PLK3: variants seen among roughly 807,000 people sequenced by gnomAD.
The protein encoded by PLK3 is serine/threonine-protein kinase PLK3.
Under a neutral mutation model 71.6 loss-of-function variants are expected in PLK3, and 41 were observed. The ratio of observed to expected loss-of-function variants is 0.57; its 90% CI spans 0.45 to 0.74. The LOEUF is 0.74. Ranked by LOEUF, PLK3 falls within the 30% of genes least tolerant of loss-of-function variation. The pLI, the probability that PLK3 is intolerant of heterozygous loss-of-function variation, is 0.00. For synonymous variants in PLK3, 366 were observed against 355.4 expected, an observed-to-expected ratio of 1.03 and a Z score of -0.33; for missense variants, 791 against 875.6, an observed-to-expected ratio of 0.90 and a Z score of 1.22.
In PLK3 at chr1:44,805,378, A is replaced by C. The variant is rs1484256317; in HGVS notation, c.1748A>C (p.Gln583Pro). Residue 583 changes from glutamine (Q) to proline (P), a missense_variant and splice_region_variant, in exon 14 of 15, where the codon CAG becomes CCG. Gln to Pro is a moderately conservative substitution (Grantham distance 76). Transcript: ENST00000372201. The part of the protein sequence containing the change: ...LLMLFSDGTV[Q>P]VNFYGDHTKL... Reference sequence around the variant, plus strand: ...ATGCTGTTTAGTGATGGCACTGTCCAGGTAAGAGCCTATCCAGGAGTTGCG... The same window carrying C: ...ATGCTGTTTAGTGATGGCACTGTCCCGGTAAGAGCCTATCCAGGAGTTGCG... 6.2e-7 allele frequency: 1 copy of C among 1,612,500 alleles called. No individual in the cohort carries two copies. The highest frequency in any genetic ancestry group is 8.5e-7 in the Non-Finnish European group (1 of 1,178,490).
Position 44,805,927 on chromosome 1 carries a change from CTTAT to C in PLK3, c.*255_*258del, listed in dbSNP as rs1652025122. The C allele has an allele frequency of 6.7e-7, 1 of 1,486,668 alleles. No individual in the cohort carries two copies. The highest frequency in any genetic ancestry group is 1.4e-5 in the African/African-American group (1 of 70,548). The allele number at this position is 1,486,668 out of a possible 1,614,324, so 92.1% of individuals were successfully genotyped here. A position where few individuals can be genotyped will look rare whatever the true frequency, so the allele number is the denominator to read the frequency against. The stretch of plus-strand genomic sequence containing the variant: ...GACCACTTTTATTTATTGTCAGACA[CTTAT>C]TTATTGGGATGTGAGCCCCAGGGGG... On this transcript the variant is annotated 3_prime_UTR_variant, in exon 15 of 15. Coordinates refer to ENST00000372201, the MANE Select transcript of PLK3 (RefSeq NM_004073.4).
intron 6 of PLK3, 43 bp downstream of exon 6, chr1:44,802,898 T>C: frequency 6.2e-7 from 1 of 1,605,930 alleles, no homozygotes; most frequent in Non-Finnish European, 8.5e-7. Context: ...AGGTGGTGGG[T>C]GTGTGGGTGG....
At chr1:44,801,197 GAC>G (rs1651817943) in intron 3 of PLK3, 45 bp downstream of exon 3, 1 of 650,418 alleles carries the variant, frequency 1.5e-6, no homozygotes, top group Non-Finnish European at 2.7e-6. Context: ...AGGGAGAGAA[GAC>G]AGTCTTTTTT....
intron 3 of PLK3, 121 bp from the exon 4 acceptor site, chr1:44,801,501 C>T: frequency 9.1e-7 from 1 of 1,099,370 alleles, no homozygotes; most frequent in South Asian, 1.5e-5. Flanking sequence ...AGCCACTACA[C>T]CCAGCCGAGA....
At chr1:44,801,807 A>T in intron 4 of PLK3, 38 bp from the exon 5 acceptor site, 1 of 1,605,080 alleles carries the variant, frequency 6.2e-7, no homozygotes. Context: ...GGGAGGGAGG[A>T]AGGAAAGAAT....
chr1:44,805,594 C>A lies in PLK3; in HGVS notation c.1857C>A (p.His619Gln), dbSNP rs1652003511. ...GTGCTTGTACTTACCTCGCTTCCCA[C>A]CTTCGGCAGCTGGGCTGCTCTCCAG... ...NRSACTYLAS[H>Q]LRQLGCSPDL... Residue 619 changes from histidine to glutamine, a missense_variant, in exon 15 of 15, where the codon CAC becomes CAA. Coordinates refer to ENST00000372201, the MANE Select transcript of PLK3 (RefSeq NM_004073.4). The A allele has an allele frequency of 1.9e-6, 3 of 1,614,082 alleles. No individual in the cohort carries two copies. The highest frequency in any genetic ancestry group is 2.2e-5 in the East Asian group (1 of 44,898).
At position 44,805,252 on chromosome 1, in the gene PLK3, G is replaced by T; in HGVS notation, c.1636-14G>T. On this transcript the variant is annotated splice_polypyrimidine_tract_variant and intron_variant, in intron 13 of 14. Coordinates refer to ENST00000372201, the MANE Select transcript of PLK3 (RefSeq NM_004073.4). ...TCACGCTGGATCAGTGACCTGCCCT[G>T]ATCCTGCTCCCAGGGTGGAGATCTG... 6.3e-7 allele frequency: 1 copy of T among 1,587,474 alleles called. No individual in the cohort carries two copies.
In PLK3 at chr1:44,804,451, G is replaced by C; in HGVS notation, c.1455G>C (p.Val485=). 1 of 1,614,196 alleles carries C rather than the reference G, an allele frequency of 6.2e-7. No individual in the cohort carries two copies. Among genetic ancestry groups the C allele is most frequent in the African/African-American group, 1.3e-5 (1 of 75,056 alleles). The part of the protein sequence containing the change: ...GFGYQLSSRR[V]AVLFNDGTHM... ...GGTATCAACTGTCCAGCCGCCGTGT[G>C]GCTGTGCTCTTCAACGATGGCACAC... The change falls in exon 12 of 15, where the codon GTG becomes GTC. Residue 485 remains valine (V), a synonymous_variant. Coordinates refer to ENST00000372201, the MANE Select transcript of PLK3 (RefSeq NM_004073.4).
Position 44,802,995 on chromosome 1 carries a change from G to A in PLK3, c.790G>A (p.Asp264Asn), listed in dbSNP as rs778121410. The A allele has an allele frequency of 2.4e-5, 39 of 1,613,904 alleles. No individual in the cohort carries two copies. In the East Asian group the frequency reaches 8.7e-4, roughly 36 times the overall value. ...CGGGAGCCCTCCCTTTGAGACGGCT[G>A]ACCTGAAGGAGACGTACCGCTGCAT... ...LCGSPPFETADLKETYRCIKQ... is the reference protein window; with the variant it reads ...LCGSPPFETANLKETYRCIKQ... Residue 264 changes from aspartate (D) to asparagine (N), a missense_variant, in exon 7 of 15, where the codon GAC becomes AAC. Transcript: ENST00000372201.
chr1:44,801,826 C>A lies in PLK3; in HGVS notation c.566-19C>A. ...GGGAGGAAGGAAAGAATCTGACACA[C>A]CTCTCTTGCCCCATCTAGGAAATTT... is the stretch of plus-strand genomic sequence containing the variant. On this transcript the variant is annotated intron_variant, in intron 4 of 14. Coordinates refer to ENST00000372201, the MANE Select transcript of PLK3 (RefSeq NM_004073.4). 1 of 1,611,362 alleles carries A rather than the reference C, an allele frequency of 6.2e-7. No homozygotes were observed. The highest frequency in any genetic ancestry group is 8.5e-7 in the Non-Finnish European group (1 of 1,178,118).
Position 44,801,657 on chromosome 1 carries a change from G to A in PLK3, c.471G>A (p.Leu157=). The change falls in exon 4 of 15, where the codon CTG becomes CTA. Residue 157 remains leucine (L), a synonymous_variant. Coordinates refer to ENST00000372201, the MANE Select transcript of PLK3 (RefSeq NM_004073.4). ...ACATCTGGAAGGCCCGGCACACCCT[G>A]TTGGAGCCAGAAGTGCGCTACTACC... ...LAHIWKARHT[L]LEPEVRYYLR... 3.7e-6 allele frequency: 6 copies of A among 1,613,874 alleles called. No homozygotes were observed. Among genetic ancestry groups the A allele is most frequent in the Non-Finnish European group, 5.1e-6 (6 of 1,179,970 alleles).
rs912176020 is a variant in PLK3 at position 44,803,825 on chromosome 1, G to C, written c.1165-106G>C. ...ATTGGCTGTGTGTCACCAGCCTGGC[G>C]GGGCTGACCTGGGGTGCCCTGGGAG... On this transcript the variant is annotated intron_variant, in intron 9 of 14. Coordinates refer to ENST00000372201, the MANE Select transcript of PLK3 (RefSeq NM_004073.4). The surrounding 1 kb of genome is among the most constrained non-coding windows in gnomAD (Gnocchi z 4.3). 5 of 1,129,498 alleles carry C rather than the reference G, an allele frequency of 4.4e-6. No individual in the cohort carries two copies. Among genetic ancestry groups the C allele is most frequent in the Non-Finnish European group, 6.5e-6 (5 of 767,552 alleles). The allele number at this position is 1,129,498 out of a possible 1,614,324, so 70.0% of individuals were successfully genotyped here. A position where few individuals can be genotyped will look rare whatever the true frequency, so the allele number is the denominator to read the frequency against.
chr1:44,800,872 C>A lies in PLK3; in HGVS notation c.243C>A (p.Asp81Glu). The A allele has an allele frequency of 1.9e-6, 3 of 1,611,766 alleles. No homozygotes were observed. Among genetic ancestry groups the A allele is most frequent in the Non-Finnish European group, 2.5e-6 (3 of 1,179,820 alleles). Residue 81 changes from aspartate to glutamate, a missense_variant, in exon 2 of 15, where the codon GAC becomes GAA. By Grantham distance (45) the Asp-to-Glu change is conservative. Coordinates refer to ENST00000372201, the MANE Select transcript of PLK3 (RefSeq NM_004073.4). This position sits in a 1 kb window ranked among gnomAD's most constrained non-coding sequence, Gnocchi z 6.5. The part of the protein sequence containing the change: ...GGFARCYEAT[D>E]TETGSAYAVK... ...TCGCCCGCTGCTACGAGGCCACTGA[C>A]ACAGAGACTGGCAGCGCCTACGCTG...
At chr1:44,802,026 G>A (rs3795716) in intron 5 of PLK3, 94 bp downstream of exon 5, 1 of 897,700 alleles carries the variant, frequency 1.1e-6, no homozygotes, top group African/African-American at 1.7e-5. Flanking sequence ...ACTGCCTGAT[G>A]TGTGCATGAG....
Position 44,801,691 on chromosome 1 carries a change from A to T in PLK3, c.505A>T (p.Ile169Phe). The T allele has an allele frequency of 6.2e-7, 1 of 1,610,314 alleles. No individual in the cohort carries two copies. The highest frequency in any genetic ancestry group is 8.5e-7 in the Non-Finnish European group (1 of 1,179,448). The change falls in exon 4 of 15, where the codon ATC becomes TTC. Residue 169 changes from isoleucine (I) to phenylalanine (F), a missense_variant. Physicochemically the swap from Ile to Phe is conservative, Grantham distance 21. Coordinates refer to ENST00000372201, the MANE Select transcript of PLK3 (RefSeq NM_004073.4). Reference protein sequence around the residue: ...EPEVRYYLRQILSGLKYLHQR... With the variant: ...EPEVRYYLRQFLSGLKYLHQR... ...AGAAGTGCGCTACTACCTGCGGCAG[A>T]TCCTTTCTGGCCTCAAGTACTTGCA...
At chr1:44,805,422 A>C (rs1297390072) in intron 14 of PLK3, 43 bp downstream of exon 14, 1 of 1,607,730 alleles carries the variant, frequency 6.2e-7, no homozygotes, top group Non-Finnish European at 8.5e-7. Flanking sequence ...TGGGAGGCCC[A>C]GGGTGCTGGG....
chr1:44,801,029 A>G lies in PLK3; in HGVS notation c.319-7A>G, dbSNP rs776544572. The G allele has an allele frequency of 3.7e-6, 6 of 1,612,010 alleles. No homozygotes were observed. In the South Asian group the frequency reaches 6.6e-5, roughly 18 times the overall value. ...GGAAGGATGACGACTCCGCGCCCTCATCGCAGATCCTAAATGAGATTGAGC... is the reference window on the plus strand; with the variant it reads ...GGAAGGATGACGACTCCGCGCCCTCGTCGCAGATCCTAAATGAGATTGAGC... On this transcript the variant is annotated splice_polypyrimidine_tract_variant and splice_region_variant and intron_variant, in intron 2 of 14. Transcript: ENST00000372201.
chr1:44,801,643 G>T lies in PLK3; in HGVS notation c.457G>T (p.Ala153Ser). Residue 153 changes from alanine (A) to serine (S), a missense_variant, in exon 4 of 15, where the codon GCC becomes TCC. By Grantham distance (99) the Ala-to-Ser change is moderately conservative. Coordinates refer to ENST00000372201, the MANE Select transcript of PLK3 (RefSeq NM_004073.4). ...GCAGTCCCTGGCCCACATCTGGAAG[G>T]CCCGGCACACCCTGTTGGAGCCAGA... Reference protein sequence around the residue: ...SRKSLAHIWKARHTLLEPEVR... With the variant: ...SRKSLAHIWKSRHTLLEPEVR... The T allele has an allele frequency of 6.2e-7, 1 of 1,613,668 alleles. No homozygotes were observed. The highest frequency in any genetic ancestry group is 8.5e-7 in the Non-Finnish European group (1 of 1,179,886).
chr1:44,801,710 ACTTGCACCAGCGCGGCAT>A lies in PLK3; in HGVS notation c.533_550del (p.Gln178_His183del). 1 of 1,599,240 alleles carries A rather than the reference ACTTGCACCAGCGCGGCAT, an allele frequency of 6.3e-7. No individual in the cohort carries two copies. Among genetic ancestry groups the A allele is most frequent in the Non-Finnish European group, 8.5e-7 (1 of 1,172,484 alleles). ...CGGCAGATCCTTTCTGGCCTCAAGT[ACTTGCACCAGCGCGGCAT>A]CTTGCACCGGGACCTCAAGTTGGGT... On this transcript the variant is annotated inframe_deletion, in exon 4 of 15. Coordinates refer to ENST00000372201, the MANE Select transcript of PLK3 (RefSeq NM_004073.4).
Sources: allele counts gnomAD v4.1 joint callset, GRCh38; gene constraint gnomAD v4.1.1; non-coding constraint Gnocchi (gnomAD v3.1); transcripts MANE v1.5; gene names NCBI Gene and HGNC (gene_info 2026-07-23, HGNC 2026-07-21).